The following RNF4 variants were observed in gnomAD, a reference collection of about 807,000 sequenced individuals.
RNF4 encodes ring finger protein 4, also known as E3 ubiquitin-protein ligase RNF4.
RNF4 carries 7 observed loss-of-function variants against 24.3 expected under a neutral mutation model. That is an observed-to-expected ratio of 0.29 (90% CI 0.16 to 0.54). The LOEUF (loss-of-function observed/expected upper bound fraction) is 0.54. RNF4 is among the 20% of genes least tolerant of loss of function. RNF4 has a pLI of 0.95. For missense variants in RNF4, 209 were observed against 248.5 expected (o/e 0.84, Z 1.07); for synonymous variants, 83 against 84.3 (o/e 0.98, Z 0.09).
At chr4:2,474,898 A>G (rs1172033366) in intron 1 of RNF4, among the ~76,000 whole-genome samples, 1 of 152,104 alleles carries the variant, frequency 6.6e-6, no homozygotes, top group East Asian at 1.9e-4. Flanking sequence ...GTGGTGGGGC[A>G]TGCCTGTAAT....
At chr4:2,493,658 C>T (rs1229197828) in intron 2 of RNF4, among the ~76,000 whole-genome samples, 2 of 143,698 alleles carry the variant, frequency 1.4e-5, no homozygotes, top group African/African-American at 2.6e-5. Context: ...GCAGGAGAAT[C>T]GCTTGAACCT....
chr4:2,502,640 C>G (rs1735947938), intron 4 of RNF4, among the ~76,000 whole-genome samples: 1 of 151,030 alleles, frequency 6.6e-6, no homozygotes, highest in Non-Finnish European at 1.5e-5. Flanking sequence ...TCACTGCACT[C>G]CAGCCCGGGC....
intron 1 of RNF4, among the ~76,000 whole-genome samples, chr4:2,488,069 C>T (rs975794279): frequency 3.3e-5 from 5 of 152,200 alleles, no homozygotes; most frequent in African/African-American, 1.2e-4. Flanking sequence ...CCCTTCTCCC[C>T]GCCCTAGATT....
chr4:2,500,706 G>A lies in RNF4; in HGVS notation c.172G>A (p.Val58Met). The change falls in exon 4 of 8, where the codon GTG becomes ATG. Residue 58 changes from valine to methionine, a missense_variant. Physicochemically the swap from Val to Met is conservative, Grantham distance 21 (BLOSUM62 1). Around this residue, in one of 3 missense-constraint regions of RNF4, gnomAD observed 182 missense variants for 197.2 expected, o/e 0.92. Coordinates refer to ENST00000314289, the MANE Select transcript of RNF4 (RefSeq NM_002938.5). ...DLTCESLEPV[V>M]VDLTHNDSVV... ...CACTTGTGAATCTTTAGAGCCTGTG[G>A]TGGTTGATCTGACTCACAATGACTC... 1.9e-6 allele frequency: 3 copies of A among 1,613,898 alleles called. No homozygotes were observed. The highest frequency in any genetic ancestry group is 2.5e-6 in the Non-Finnish European group (3 of 1,179,846).
At chr4:2,478,130 T>G (rs550848171) in intron 1 of RNF4, among the ~76,000 whole-genome samples, 2 of 152,254 alleles carry the variant, frequency 1.3e-5, no homozygotes, top group African/African-American at 4.8e-5. Flanking sequence ...CCCTAGAGAT[T>G]TGTGGAACTT....
At chr4:2,497,357 C>T in intron 3 of RNF4, 1 of 341,960 alleles carries the variant, frequency 2.9e-6, no homozygotes, top group South Asian at 7.4e-5. Context: ...AAATCTAGCG[C>T]AAATGAGATA....
At chr4:2,499,895 G>A (rs926969404) in intron 3 of RNF4, among the ~76,000 whole-genome samples, 1 of 152,092 alleles carries the variant, frequency 6.6e-6, no homozygotes, top group African/African-American at 2.4e-5. Flanking sequence ...GGTGGCTCAC[G>A]CCTGTAATCC....
intron 3 of RNF4, 102 bp downstream of exon 3, chr4:2,497,223 C>A: frequency 1.3e-6 from 1 of 752,500 alleles, no homozygotes; most frequent in Non-Finnish European, 2.2e-6. Flanking sequence ...CTTTAGAAGG[C>A]CTATGCAGTC....
In RNF4 at chr4:2,509,108, A is replaced by C. The variant is rs569746338; in HGVS notation, c.205-2848A>C. Reference sequence around the variant, plus strand: ...TAATTTTTGTAGTTTTAGTAGAGACAGGGTTTCACCATGTTGGCCAGGCTG... The same window carrying C: ...TAATTTTTGTAGTTTTAGTAGAGACCGGGTTTCACCATGTTGGCCAGGCTG... On this transcript the variant is annotated intron_variant, in intron 4 of 7. Transcript: ENST00000314289. 3.4e-5 allele frequency among the ~76,000 whole-genome samples: 4 copies of C among 116,270 alleles called. No homozygotes were observed. In the East Asian group the frequency reaches 1.1e-3, roughly 32 times the overall value. 76.3% of individuals were successfully genotyped at this position (116,270 alleles called of 152,430 possible).
Position 2,488,141 on chromosome 4 carries a change from A to C in RNF4, c.-157-2196A>C, listed in dbSNP as rs186301265. Among the ~76,000 whole-genome samples, 13 of 152,268 alleles carry C rather than the reference A, an allele frequency of 8.5e-5. No homozygotes were observed. The East Asian group carries it at 2.5e-3, about 29-fold the overall frequency. ...CAGGGCAGGGGCTGTACTGTGAATG[A>C]GGCGGGGAGGTATGCATCCTTTCTT... On this transcript the variant is annotated intron_variant, in intron 1 of 7. Coordinates refer to ENST00000314289, the MANE Select transcript of RNF4 (RefSeq NM_002938.5).
intron 4 of RNF4, among the ~76,000 whole-genome samples, chr4:2,501,318 A>G (rs1485711444): frequency 6.6e-6 from 1 of 152,238 alleles, no homozygotes; most frequent in African/African-American, 2.4e-5. Flanking sequence ...GCCCATGGGA[A>G]ATCTCTCAAG....
Position 2,514,037 on chromosome 4 carries a change from G to C in RNF4, c.*218G>C. On this transcript the variant is annotated 3_prime_UTR_variant, in exon 8 of 8. Coordinates refer to ENST00000314289, the MANE Select transcript of RNF4 (RefSeq NM_002938.5). The stretch of plus-strand genomic sequence containing the variant: ...CTCCCAGGCCATCTCTGTTCCTCTG[G>C]GGTGGTCCAGTTCTAGAGTGGGAGA... 2 of 593,820 alleles carry C rather than the reference G, an allele frequency of 3.4e-6. No individual in the cohort carries two copies. Among genetic ancestry groups the C allele is most frequent in the Non-Finnish European group, 5.8e-6 (2 of 343,356 alleles). The allele number at this position is 593,820 out of a possible 1,614,324, so 36.8% of individuals were successfully genotyped here.
At position 2,497,036 on chromosome 4, in the gene RNF4, T is replaced by C. The variant is rs771939315; in HGVS notation, c.39T>C (p.Ser13=). 19 of 1,606,846 alleles carry C rather than the reference T, an allele frequency of 1.2e-5. No individual in the cohort carries two copies. The highest frequency in any genetic ancestry group is 1.6e-5 in the Non-Finnish European group (19 of 1,176,814). Reference sequence around the variant, plus strand: ...AGCGTCGTGGTGGAGCAATAAATTCTAGACAAGCTCAGAAGCGAACTCGGG... The same window carrying C: ...AGCGTCGTGGTGGAGCAATAAATTCCAGACAAGCTCAGAAGCGAACTCGGG... ...TRKRRGGAIN[S]RQAQKRTREA... is the part of the protein sequence containing the mutation. Residue 13 remains serine, a synonymous_variant, in exon 3 of 8, where the codon TCT becomes TCC. Coordinates refer to ENST00000314289, the MANE Select transcript of RNF4 (RefSeq NM_002938.5).
chr4:2,509,500 G>T (rs1368128677), intron 4 of RNF4, among the ~76,000 whole-genome samples: 1 of 152,136 alleles, frequency 6.6e-6, no homozygotes, highest in Non-Finnish European at 1.5e-5. Context: ...TTCCAGGTGT[G>T]AGCCACCGCG....
At chr4:2,477,023 C>G (rs1335524414) in intron 1 of RNF4, among the ~76,000 whole-genome samples, 1 of 151,894 alleles carries the variant, frequency 6.6e-6, no homozygotes, top group Non-Finnish European at 1.5e-5. Context: ...TTCAGGTGAT[C>G]TGCCCGCCTC....
intron 1 of RNF4, among the ~76,000 whole-genome samples, chr4:2,473,554 T>G (rs1037277952): frequency 1.3e-5 from 2 of 152,186 alleles, no homozygotes; most frequent in African/African-American, 4.8e-5. Context: ...GGCTCACGCC[T>G]GTAATCTCAG....
intron 2 of RNF4, among the ~76,000 whole-genome samples, chr4:2,492,097 G>T (rs1735599116): frequency 6.6e-6 from 1 of 151,946 alleles, no homozygotes; most frequent in Admixed American, 6.6e-5. Flanking sequence ...TACTCAGGAG[G>T]CTGAGGCAGG....
intron 7 of RNF4, 95 bp downstream of exon 7, chr4:2,513,226 A>G: frequency 8.6e-7 from 1 of 1,160,734 alleles, no homozygotes; most frequent in Non-Finnish European, 1.3e-6. Flanking sequence ...GTGGGATTGG[A>G]CACCCCTACT....
intron 1 of RNF4, among the ~76,000 whole-genome samples, chr4:2,482,162 A>AT (rs1735263258): frequency 1.3e-5 from 2 of 152,176 alleles, no homozygotes; most frequent in African/African-American, 2.4e-5. Context: ...GTGCTGTTTG[A>AT]GATTAGGCCC....
Sources: allele counts gnomAD v4.1 joint callset (sites outside exome capture counted in the v4.1 genomes callset), GRCh38; gene constraint gnomAD v4.1.1; regional missense constraint gnomAD v4.1.1; transcripts MANE v1.5; gene names NCBI Gene and HGNC (gene_info 2026-07-23, HGNC 2026-07-21).